The following GRIK2 variants were observed in gnomAD, a reference collection of about 807,000 sequenced individuals.
The protein encoded by GRIK2 is glutamate receptor ionotropic, kainate 2.
In GRIK2, 32 loss-of-function variants were observed where a neutral mutation model predicts 100.3. The observed-to-expected ratio is 0.32, with a 90% CI of 0.24 to 0.43. The LOEUF (loss-of-function observed/expected upper bound fraction) is 0.43, where lower values mean the gene tolerates loss of function less well. Ranked by LOEUF, GRIK2 falls within the 20% of genes least tolerant of loss-of-function variation. GRIK2 has a pLI of 1.00. For missense variants in GRIK2, 843 were observed against 1,114.9 expected (o/e 0.76, Z 3.47); for synonymous variants, 417 against 389.4 (o/e 1.07, Z -0.83).
rs189946528 is a variant in GRIK2 at position 101,835,448 on chromosome 6, G to A, written c.1317+16965G>A. ...ACTACCCATTATAAAAAGAGGTACAGATTACCTATGAGTTCCTTTTTTTTT... is the reference window on the plus strand; with the variant it reads ...ACTACCCATTATAAAAAGAGGTACAAATTACCTATGAGTTCCTTTTTTTTT... On this transcript the variant is annotated intron_variant, in intron 10 of 16. Coordinates refer to ENST00000369134, the MANE Select transcript of GRIK2 (RefSeq NM_021956.5). Among the ~76,000 whole-genome samples the A allele has an allele frequency of 3.6e-3, 515 of 141,402 alleles. 1 individual carries two copies. The highest frequency in any genetic ancestry group is 0.013 in the African/African-American group (501 of 38,708). 92.8% of individuals were successfully genotyped at this position (141,402 alleles called of 152,430 possible). A position where few individuals can be genotyped will look rare whatever the true frequency, so the allele number is the denominator to read the frequency against.
At chr6:101,880,610 T>C (rs1786180180) in intron 11 of GRIK2, among the ~76,000 whole-genome samples, 1 of 152,054 alleles carries the variant, frequency 6.6e-6, no homozygotes, top group Non-Finnish European at 1.5e-5. Context: ...ATATGAACTC[T>C]TTTAACTAGT....
rs9498608 is a variant in GRIK2 at position 101,529,982 on chromosome 6, T to C, written c.116-91967T>C. 4.5e-3 allele frequency among the ~76,000 whole-genome samples: 691 copies of C among 152,150 alleles called. 5 individuals carry two copies. Among genetic ancestry groups the C allele is most frequent in the African/African-American group, 0.016 (658 of 41,546 alleles). ...AAAATTAGAGAGACATTAAAAAATA[T>C]GTAACAGCCAGTATAATGTATACAC... On this transcript the variant is annotated intron_variant, in intron 2 of 16. Coordinates refer to ENST00000369134, the MANE Select transcript of GRIK2 (RefSeq NM_021956.5).
chr6:101,750,055 T>C (rs983606296), intron 7 of GRIK2, among the ~76,000 whole-genome samples: 5 of 152,010 alleles, frequency 3.3e-5, no homozygotes, highest in African/African-American at 9.7e-5. Context: ...CCTTGAGTGA[T>C]CCTTCTGCCT....
chr6:101,628,946 A>C (rs1324357170), intron 4 of GRIK2, among the ~76,000 whole-genome samples: 1 of 152,064 alleles, frequency 6.6e-6, no homozygotes, highest in East Asian at 1.9e-4. Context: ...ATTTTTATTT[A>C]ATATATGTGG....
intron 11 of GRIK2, among the ~76,000 whole-genome samples, chr6:101,877,936 T>G (rs932529640): frequency 6.6e-6 from 1 of 151,624 alleles, no homozygotes; most frequent in African/African-American, 2.4e-5. Flanking sequence ...TTATTTGAAG[T>G]GTGATCTTAG....
chr6:101,885,698 A>G (rs1021384763), intron 11 of GRIK2, among the ~76,000 whole-genome samples: 6 of 152,114 alleles, frequency 3.9e-5, no homozygotes, highest in Non-Finnish European at 8.8e-5. Flanking sequence ...AACACAATAT[A>G]TCTACTAACT....
At chr6:101,831,371 T>C (rs1782680353) in intron 10 of GRIK2, among the ~76,000 whole-genome samples, 1 of 152,094 alleles carries the variant, frequency 6.6e-6, no homozygotes, top group Non-Finnish European at 1.5e-5. Flanking sequence ...GCTTCGAGGC[T>C]TCTTTTCTTG....
At chr6:101,590,773 T>C (rs1778606943) in intron 2 of GRIK2, among the ~76,000 whole-genome samples, 1 of 152,088 alleles carries the variant, frequency 6.6e-6, no homozygotes, top group Non-Finnish European at 1.5e-5. Flanking sequence ...GGTACAATAT[T>C]CTCCCTAAAT....
At chr6:101,659,965 C>T (rs1044429765) in intron 4 of GRIK2, among the ~76,000 whole-genome samples, 14 of 152,050 alleles carry the variant, frequency 9.2e-5, no homozygotes, top group Non-Finnish European at 1.8e-4. Context: ...TTGCTCTTCT[C>T]GAAGAGTATC....
chr6:101,615,519 A>G (rs1244774866), intron 2 of GRIK2, among the ~76,000 whole-genome samples: 1 of 151,854 alleles, frequency 6.6e-6, no homozygotes, highest in Non-Finnish European at 1.5e-5. Flanking sequence ...CTTTAAGATC[A>G]TATAGGTCTT....
At chr6:101,727,999 A>C (rs950140652) in intron 7 of GRIK2, among the ~76,000 whole-genome samples, 3 of 152,096 alleles carry the variant, frequency 2.0e-5, no homozygotes, top group Non-Finnish European at 4.4e-5. Flanking sequence ...ACTCATGTGC[A>C]GATGATTATG....
In GRIK2 at chr6:101,600,635, T is replaced by G. The variant is rs1779165778; in HGVS notation, c.116-21314T>G. On this transcript the variant is annotated intron_variant, in intron 2 of 16. Coordinates refer to ENST00000369134, the MANE Select transcript of GRIK2 (RefSeq NM_021956.5). ...CTTTCACCCTGTTGGTTACATGTAG[T>G]TGAAGGTTTTTGTTTTTTGTGGATT... Among the ~76,000 whole-genome samples the G allele has an allele frequency of 4.0e-5, 6 of 151,590 alleles. No individual in the cohort carries two copies. In the Admixed American group the frequency reaches 4.0e-4, roughly 10 times the overall value.
intron 7 of GRIK2, among the ~76,000 whole-genome samples, chr6:101,745,724 T>C (rs1039624689): frequency 6.6e-6 from 1 of 152,130 alleles, no homozygotes; most frequent in African/African-American, 2.4e-5. Context: ...TTCAGGGTGC[T>C]CTCCCTGCAG....
intron 11 of GRIK2, among the ~76,000 whole-genome samples, chr6:101,887,922 A>G (rs1786768992): frequency 6.6e-6 from 1 of 152,168 alleles, no homozygotes; most frequent in Non-Finnish European, 1.5e-5. Context: ...GAAGACATAG[A>G]GCCAAACCAT....
At chr6:101,608,811 GTGTA>G (rs1356943995) in intron 2 of GRIK2, among the ~76,000 whole-genome samples, 1 of 98,126 alleles carries the variant, frequency 1.0e-5, no homozygotes. Context: ...GTGTGTGTGT[GTGTA>G]TGTATGTATG....
chr6:101,809,585 A>C, intron 9 of GRIK2, among the ~76,000 whole-genome samples: 1 of 152,050 alleles, frequency 6.6e-6, no homozygotes, highest in Admixed American at 6.6e-5. Flanking sequence ...ACATATACCC[A>C]GTGCCCATGG....
intron 2 of GRIK2, among the ~76,000 whole-genome samples, chr6:101,485,907 C>A (rs1396219530): frequency 7.0e-6 from 1 of 143,248 alleles, no homozygotes; most frequent in African/African-American, 2.6e-5. Context: ...CACAGTTGCA[C>A]CATTGCGCTT....
intron 10 of GRIK2, among the ~76,000 whole-genome samples, chr6:101,840,909 A>G (rs759707018): frequency 1.3e-5 from 2 of 152,232 alleles, no homozygotes; most frequent in African/African-American, 2.4e-5. Context: ...TGCTTTCGCC[A>G]TATAGTTGTT....
At chr6:102,039,224 T>C (rs1770441633) in intron 15 of GRIK2, among the ~76,000 whole-genome samples, 1 of 151,460 alleles carries the variant, frequency 6.6e-6, no homozygotes, top group Admixed American at 6.6e-5. Context: ...AAGGAACCTC[T>C]GTTTACACAA....
Sources: gnomAD v4.1 joint callset for allele counts (sites outside exome capture counted in the v4.1 genomes callset) on GRCh38, gnomAD v4.1.1 for gene constraint, MANE v1.5 for transcripts, NCBI Gene and HGNC (gene_info 2026-07-23, HGNC 2026-07-21) for gene names.